Variants in HEATR5B observed in about 807,000 individuals in gnomAD.
The protein encoded by HEATR5B is HEAT repeat-containing protein 5B.
A neutral mutation model predicts 224.1 loss-of-function variants in HEATR5B; 156 were observed. That is an observed-to-expected ratio of 0.70 (90% CI 0.61 to 0.80). The LOEUF is 0.80. HEATR5B is among the 30% of genes least tolerant of loss of function. The probability of loss-of-function intolerance (pLI) is 0.00; values close to 1 mark genes in which losing one functional copy is unlikely to be tolerated. For missense variants in HEATR5B, 2,323 were observed against 2,535.5 expected, an observed-to-expected ratio of 0.92 and a Z score of 1.80; for synonymous variants, 1,027 against 893.0, an observed-to-expected ratio of 1.15 and a Z score of -2.68.
At chr2:37,058,848 T>C (rs910770851) in intron 13 of HEATR5B, 40 bp downstream of exon 13, 5 of 1,180,060 alleles carry the variant, frequency 4.2e-6, no homozygotes, top group African/African-American at 3.1e-5. Flanking sequence ...ATTATTAATA[T>C]ATAAAATAGG....
At chr2:37,003,721 T>G in intron 30 of HEATR5B, 35 bp from the exon 31 acceptor site, 1 of 1,446,840 alleles carries the variant, frequency 6.9e-7, no homozygotes, top group Middle Eastern at 1.8e-4. Flanking sequence ...GTTAAGTAAT[T>G]TCAATCTCAA....
chr2:37,005,086 T>C (rs1667327845), intron 30 of HEATR5B, among the ~76,000 whole-genome samples: 1 of 152,260 alleles, frequency 6.6e-6, no homozygotes, highest in Admixed American at 6.5e-5. Context: ...GAAACCTTCA[T>C]GATTTGGTCT....
In HEATR5B at chr2:37,034,847, C is replaced by T. The variant is rs969272744; in HGVS notation, c.3217-2074G>A. On this transcript the variant is annotated intron_variant, in intron 21 of 35. Coordinates refer to ENST00000233099, the MANE Select transcript of HEATR5B (RefSeq NM_019024.3). ...CACTGGGATTACAGGTGTGAGCCAC[C>T]GCACCCAGCCAACAAAGTACTTTAT... 3.9e-5 allele frequency among the ~76,000 whole-genome samples: 6 copies of T among 152,096 alleles called. No individual in the cohort carries two copies. The East Asian group carries it at 5.8e-4, about 15-fold the overall frequency.
chr2:37,067,265 C>T (rs1378549322), intron 8 of HEATR5B, among the ~76,000 whole-genome samples: 2 of 152,136 alleles, frequency 1.3e-5, no homozygotes, highest in South Asian at 2.1e-4. Context: ...AGGATAGGTG[C>T]TGTATGCATC....
In HEATR5B at chr2:37,083,465, G is replaced by C. The variant is rs777822704; in HGVS notation, c.-22-29C>G. ...AAATTTAACAGAGTAAAAAATACTT[G>C]TAAGTATTTTTTAATGTTAAAAGTC... On this transcript the variant is annotated intron_variant, in intron 1 of 35. Transcript: ENST00000233099. The C allele has an allele frequency of 1.6e-5, 23 of 1,482,132 alleles. No individual in the cohort carries two copies. In the Admixed American group the frequency reaches 2.7e-4, roughly 17 times the overall value. 91.8% of individuals were successfully genotyped at this position (1,482,132 alleles called of 1,614,324 possible).
Position 37,057,309 on chromosome 2 carries a change from T to C in HEATR5B, c.2223+8A>G. The C allele has an allele frequency of 1.3e-6, 2 of 1,591,464 alleles. No individual in the cohort carries two copies. The highest frequency in any genetic ancestry group is 1.7e-6 in the Non-Finnish European group (2 of 1,170,064). ...AGTTAGTATTTCATTTTCCTCTATG[T>C]TTATTACCTGGTCTTCAATTGATTT... On this transcript the variant is annotated splice_region_variant and intron_variant, in intron 15 of 35. Transcript: ENST00000233099.
At chr2:37,025,932 C>A (rs1364978331) in intron 24 of HEATR5B, among the ~76,000 whole-genome samples, 2 of 152,124 alleles carry the variant, frequency 1.3e-5, no homozygotes, top group Non-Finnish European at 2.9e-5. Context: ...GTGTAGTAGG[C>A]AGAATATTAG....
rs1667951785 is a variant in HEATR5B at position 37,013,934 on chromosome 2, G to C, written c.4191C>G (p.Asp1397Glu). 5.0e-6 allele frequency: 8 copies of C among 1,612,816 alleles called. No homozygotes were observed. Among genetic ancestry groups the C allele is most frequent in the Non-Finnish European group, 6.8e-6 (8 of 1,179,446 alleles). ...RVHNLLVSSLDKVQAGKGSSS... is the reference protein window; with the variant it reads ...RVHNLLVSSLEKVQAGKGSSS... The stretch of plus-strand genomic sequence containing the variant: ...AAGATCCTTTTCCAGCCTGAACTTT[G>C]TCCAGAGAAGAAACAAGAAGATTGT... The change falls in exon 27 of 36, where the codon GAC (aspartate) becomes GAG (glutamate). Residue 1397 changes from aspartate to glutamate, a missense_variant. Coordinates refer to ENST00000233099, the MANE Select transcript of HEATR5B (RefSeq NM_019024.3).
At chr2:37,083,928 T>TA (rs1388882402) in intron 1 of HEATR5B, among the ~76,000 whole-genome samples, 1 of 152,220 alleles carries the variant, frequency 6.6e-6, no homozygotes, top group African/African-American at 2.4e-5. Context: ...AGACTCTTCC[T>TA]ACGCGGATGG....
In HEATR5B at chr2:37,077,023, T is replaced by A. The variant is rs1672278152; in HGVS notation, c.339-4A>T. 1 of 1,608,494 alleles carries A rather than the reference T, an allele frequency of 6.2e-7. No homozygotes were observed. Among genetic ancestry groups the A allele is most frequent in the Non-Finnish European group, 8.5e-7 (1 of 1,175,482 alleles). On this transcript the variant is annotated splice_region_variant and splice_polypyrimidine_tract_variant and intron_variant, in intron 3 of 35. Coordinates refer to ENST00000233099, the MANE Select transcript of HEATR5B (RefSeq NM_019024.3). ...TCCGACACAAGCCACCGCAGCCCTGTAAGAAGTGACAACTTCACTAGTCAT... is the reference window on the plus strand; with the variant it reads ...TCCGACACAAGCCACCGCAGCCCTGAAAGAAGTGACAACTTCACTAGTCAT...
intron 32 of HEATR5B, 85 bp downstream of exon 32, chr2:37,002,221 G>T: frequency 6.9e-7 from 1 of 1,448,800 alleles, no homozygotes; most frequent in Non-Finnish European, 9.6e-7. Flanking sequence ...AGGAAACTGG[G>T]TTATAACAGT....
At chr2:37,066,928 G>A (rs1163972481) in intron 8 of HEATR5B, among the ~76,000 whole-genome samples, 1 of 151,764 alleles carries the variant, frequency 6.6e-6, no homozygotes, top group Non-Finnish European at 1.5e-5. Context: ...GGAGTGCGGT[G>A]GTGCCATCTC....
At chr2:37,003,813 T>G in intron 30 of HEATR5B, 127 bp from the exon 31 acceptor site, 1 of 544,700 alleles carries the variant, frequency 1.8e-6, no homozygotes, top group Non-Finnish European at 3.0e-6. Flanking sequence ...AATATAGGAC[T>G]ACGTAACAAA....
chr2:37,032,845 A>AAT (rs1166830728), intron 21 of HEATR5B, 72 bp from the exon 22 acceptor site: 37 of 1,249,954 alleles, frequency 3.0e-5, no homozygotes, highest in Middle Eastern at 3.8e-4. Context: ...TTGCCCAATG[A>AAT]ATATATATAT....
Position 37,060,566 on chromosome 2 carries a change from C to T in HEATR5B, c.1849+15G>A, listed in dbSNP as rs1478731895. ...ATGTCATAATATTGTGAAGCACAAT[C>T]CTTTCAGTTCTTACCACATAGAGCT... On this transcript the variant is annotated intron_variant, in intron 12 of 35. Coordinates refer to ENST00000233099, the MANE Select transcript of HEATR5B (RefSeq NM_019024.3). 5.0e-6 allele frequency: 8 copies of T among 1,597,340 alleles called. No homozygotes were observed. The South Asian group carries it at 5.6e-5, about 11-fold the overall frequency.
intron 28 of HEATR5B, among the ~76,000 whole-genome samples, chr2:37,007,750 T>C (rs750936747): frequency 1.3e-5 from 2 of 152,204 alleles, no homozygotes; most frequent in South Asian, 4.1e-4. Context: ...CCACCAAAAG[T>C]AACCCCTTTT....
chr2:37,061,867 T>C (rs966726044), intron 11 of HEATR5B, 72 bp downstream of exon 11: 1 of 850,948 alleles, frequency 1.2e-6, no homozygotes, highest in East Asian at 2.6e-5. Flanking sequence ...CTTAACACTT[T>C]TAAATTAAAT....
chr2:37,059,031 G>A, intron 12 of HEATR5B, 44 bp from the exon 13 acceptor site: 1 of 1,169,896 alleles, frequency 8.5e-7, no homozygotes, highest in Non-Finnish European at 1.3e-6. Flanking sequence ...TAGCTTTTGT[G>A]AACATGAATT....
At position 37,062,124 on chromosome 2, in the gene HEATR5B, C is replaced by T. The variant is rs896708586; in HGVS notation, c.1585-74G>A. 4 of 910,156 alleles carry T rather than the reference C, an allele frequency of 4.4e-6. No homozygotes were observed. The African/African-American group carries it at 4.9e-5, about 11-fold the overall frequency. 56.4% of individuals were successfully genotyped at this position (910,156 alleles called of 1,614,324 possible). A position where few individuals can be genotyped will look rare whatever the true frequency, so the allele number is the denominator to read the frequency against. ...AATAAGGAAACAGATAACTAGCATA[C>T]ATTACTTAAAAGAAGTTGTTGGCTG... On this transcript the variant is annotated intron_variant, in intron 10 of 35. Transcript: ENST00000233099.
Sources: allele counts gnomAD v4.1 joint callset (sites outside exome capture counted in the v4.1 genomes callset), GRCh38; gene constraint gnomAD v4.1.1; transcripts MANE v1.5; gene names NCBI Gene and HGNC (gene_info 2026-07-23, HGNC 2026-07-21).